The following SCN9A variants were observed in gnomAD, a reference collection of about 807,000 sequenced individuals.
The protein encoded by SCN9A is sodium channel protein type 9 subunit alpha.
Under a neutral mutation model 187.0 loss-of-function variants are expected in SCN9A, and 131 were observed. That is an observed-to-expected ratio of 0.70 (90% CI 0.61 to 0.81). The LOEUF (loss-of-function observed/expected upper bound fraction) is 0.81, where lower values mean the gene tolerates loss of function less well. Ranked by LOEUF, SCN9A falls within the 30% of genes least tolerant of loss-of-function variation. SCN9A has a pLI of 0.00. For synonymous variants in SCN9A, 809 were observed against 808.6 expected, an observed-to-expected ratio of 1.00 and a Z score of -0.01; for missense variants, 2,252 against 2,396.6, an observed-to-expected ratio of 0.94 and a Z score of 1.26.
intron 20 of SCN9A, 137 bp from the exon 21 acceptor site, chr2:166,233,599 T>A: frequency 2.0e-6 from 1 of 508,062 alleles, no homozygotes. Flanking sequence ...AGTCAATGCC[T>A]AAAAATAGGG....
At chr2:166,358,365 C>T (rs139846473) in intron 1 of SCN9A, among the ~76,000 whole-genome samples, 54 of 152,176 alleles carry the variant, frequency 3.5e-4, no homozygotes, top group Non-Finnish European at 6.6e-4. Flanking sequence ...CCACCACACC[C>T]GGCCGAAAAC....
chr2:166,323,522 T>C (rs1032277224), intron 1 of SCN9A, among the ~76,000 whole-genome samples: 19 of 152,076 alleles, frequency 1.2e-4, no homozygotes, highest in Admixed American at 5.2e-4. Context: ...AAAAAATCAC[T>C]GAAGTAAACA....
chr2:166,240,087 T>C (rs1004619987), intron 19 of SCN9A, among the ~76,000 whole-genome samples: 2 of 152,234 alleles, frequency 1.3e-5, no homozygotes, highest in Non-Finnish European at 2.9e-5. Flanking sequence ...AATTCAGTGA[T>C]AGCTCTGTCA....
chr2:166,355,703 C>T (rs1700136920), intron 1 of SCN9A, among the ~76,000 whole-genome samples: 1 of 151,570 alleles, frequency 6.6e-6, no homozygotes, highest in African/African-American at 2.4e-5. Flanking sequence ...AAATATTTAC[C>T]TTTTTGTGCA....
At chr2:166,290,496 G>A (rs1698011121) in intron 9 of SCN9A, among the ~76,000 whole-genome samples, 1 of 152,112 alleles carries the variant, frequency 6.6e-6, no homozygotes, top group East Asian at 1.9e-4. Context: ...TTGCCTCACT[G>A]TCTTCAAAAT....
intron 1 of SCN9A, among the ~76,000 whole-genome samples, chr2:166,352,372 T>A (rs748695381): frequency 1.3e-5 from 2 of 152,056 alleles, no homozygotes; most frequent in African/African-American, 2.4e-5. Flanking sequence ...AAATAACAAG[T>A]TAAAAAGATA....
rs559103403 is a variant in SCN9A, at chr2:166,276,239, G to A, written c.2874+744C>T. ...ATTGCTATGTCCACGCGATGCTATA[G>A]GCCAGTGGCTGGAAAACTTTTTCGT... On this transcript the variant is annotated intron_variant, in intron 16 of 26. Coordinates refer to ENST00000642356, the MANE Select transcript of SCN9A (RefSeq NM_001365536.1). 4.9e-4 allele frequency among the ~76,000 whole-genome samples: 75 copies of A among 152,212 alleles called. 1 individual carries two copies. The South Asian group carries it at 0.014, about 29-fold the overall frequency.
intron 1 of SCN9A, among the ~76,000 whole-genome samples, chr2:166,367,602 C>T (rs979434605): frequency 2.0e-5 from 3 of 152,114 alleles, no homozygotes; most frequent in Non-Finnish European, 4.4e-5. Flanking sequence ...CTTTTAATTA[C>T]ACCATTCCTC....
intron 19 of SCN9A, among the ~76,000 whole-genome samples, chr2:166,241,032 T>G (rs1050208204): frequency 4.6e-5 from 7 of 152,102 alleles, no homozygotes; most frequent in Admixed American, 3.3e-4. Flanking sequence ...CATGCTACTT[T>G]CCACACATAA....
chr2:166,282,385 T>C (rs1175747838), intron 12 of SCN9A, among the ~76,000 whole-genome samples: 5 of 152,152 alleles, frequency 3.3e-5, no homozygotes, highest in Non-Finnish European at 5.9e-5. Flanking sequence ...ATTAGTGAAA[T>C]GGAGAATGCA....
At position 166,280,396 on chromosome 2, in the gene SCN9A, C is replaced by T. The variant is rs201736678; in HGVS notation, c.2304G>A (p.Met768Ile). The change falls in exon 14 of 27, where the codon ATG becomes ATA. Residue 768 changes from methionine (M) to isoleucine (I), a missense_variant. Coordinates refer to ENST00000642356, the MANE Select transcript of SCN9A (RefSeq NM_001365536.1). Reference sequence around the variant, plus strand: ...CAAGTACATTTTTGAATTCCTCAGTCATTGGGTGGTGTTCCATAGCCATAA... The same window carrying T: ...CAAGTACATTTTTGAATTCCTCAGTTATTGGGTGGTGTTCCATAGCCATAA... ...TLFMAMEHHPMTEEFKNVLAI... is the reference protein window; with the variant it reads ...TLFMAMEHHPITEEFKNVLAI... 8.5e-5 allele frequency: 135 copies of T among 1,587,750 alleles called. No individual in the cohort carries two copies. The highest frequency in any genetic ancestry group is 1.1e-4 in the Non-Finnish European group (131 of 1,165,244).
intron 21 of SCN9A, among the ~76,000 whole-genome samples, chr2:166,230,084 T>A (rs556919858): frequency 6.6e-6 from 1 of 152,260 alleles, no homozygotes; most frequent in East Asian, 1.9e-4. Context: ...TTATAAATAT[T>A]TTTAGGCTTT....
chr2:166,367,966 TA>T (rs1255273718), intron 1 of SCN9A, among the ~76,000 whole-genome samples: 5 of 152,248 alleles, frequency 3.3e-5, no homozygotes, highest in Admixed American at 2.0e-4. Context: ...ATTGCAAATG[TA>T]ATTTTATTTT....
chr2:166,324,609 T>C (rs1699320555), intron 1 of SCN9A, among the ~76,000 whole-genome samples: 1 of 152,122 alleles, frequency 6.6e-6, no homozygotes, highest in Admixed American at 6.6e-5. Flanking sequence ...TAAATCATAG[T>C]TAACATCAAC....
In SCN9A at chr2:166,238,200, A is replaced by T; in HGVS notation, c.3695T>A (p.Ile1232Asn). Residue 1232 changes from isoleucine to asparagine, a missense_variant, in exon 20 of 27, where the codon ATC becomes AAC. Coordinates refer to ENST00000642356, the MANE Select transcript of SCN9A (RefSeq NM_001365536.1). ...TTCCAGAATGAAGATGTAAGTGAAG[A>T]TCTTGTCTGCATACTCCAGGATAAT... ...IKIILEYADKIFTYIFILEML... is the reference protein window; with the variant it reads ...IKIILEYADKNFTYIFILEML... The T allele has an allele frequency of 2.5e-6, 4 of 1,606,786 alleles. No homozygotes were observed. The highest frequency in any genetic ancestry group is 3.4e-6 in the Non-Finnish European group (4 of 1,174,952).
At chr2:166,370,226 A>ATCATCATCATCATCATCATCATC (rs1553507717) in intron 1 of SCN9A, among the ~76,000 whole-genome samples, 2 of 131,606 alleles carry the variant, frequency 1.5e-5, no homozygotes, top group African/African-American at 6.0e-5. Flanking sequence ...TAATAATAAT[A>ATCATCATCATCATCATCATCATC]ATAATAATAA....
chr2:166,314,432 G>T (rs1396925360), intron 1 of SCN9A, among the ~76,000 whole-genome samples: 2 of 152,180 alleles, frequency 1.3e-5, no homozygotes, highest in African/African-American at 4.8e-5. Context: ...TAAAGAGTAA[G>T]TTATGACTCG....
chr2:166,362,942 T>G (rs1700323898), intron 1 of SCN9A, among the ~76,000 whole-genome samples: 1 of 151,942 alleles, frequency 6.6e-6, no homozygotes, highest in African/African-American at 2.4e-5. Flanking sequence ...AATGCAAAAT[T>G]TACTTAGTGA....
intron 24 of SCN9A, among the ~76,000 whole-genome samples, chr2:166,212,316 C>G (rs1373746996): frequency 6.6e-6 from 1 of 152,096 alleles, no homozygotes; most frequent in Non-Finnish European, 1.5e-5. Context: ...AGATGTAAAA[C>G]CCACAGACAC....
Sources: gnomAD v4.1 joint callset for allele counts (sites outside exome capture counted in the v4.1 genomes callset) on GRCh38, gnomAD v4.1.1 for gene constraint, MANE v1.5 for transcripts, NCBI Gene and HGNC (gene_info 2026-07-23, HGNC 2026-07-21) for gene names.